MAP4K3: variants seen among roughly 807,000 people sequenced by gnomAD.
MAP4K3 encodes MAPK/ERK kinase kinase kinase 3.
In MAP4K3, 94 loss-of-function variants were observed where a neutral mutation model predicts 143.5. The observed-to-expected ratio is 0.65, with a 90% CI of 0.55 to 0.78. The LOEUF is 0.78. Ranked by LOEUF, MAP4K3 falls within the 30% of genes least tolerant of loss-of-function variation. The probability of loss-of-function intolerance (pLI) is 0.00; values close to 1 mark genes in which losing one functional copy is unlikely to be tolerated. For missense variants in MAP4K3, 1,077 were observed against 1,068.1 expected, an observed-to-expected ratio of 1.01 and a Z score of -0.12; for synonymous variants, 416 against 347.2, an observed-to-expected ratio of 1.20 and a Z score of -2.20.
intron 2 of MAP4K3, among the ~76,000 whole-genome samples, chr2:39,372,097 C>T (rs1040142725): frequency 5.3e-5 from 8 of 151,370 alleles, no homozygotes; most frequent in African/African-American, 1.9e-4. Context: ...CTGCAGGACA[C>T]AAAATAAATA....
In MAP4K3 at chr2:39,250,575, G is replaced by T; in HGVS notation, c.*43C>A. The T allele has an allele frequency of 1.3e-6, 2 of 1,537,976 alleles. No homozygotes were observed. Among genetic ancestry groups the T allele is most frequent in the Non-Finnish European group, 1.8e-6 (2 of 1,112,466 alleles). The stretch of plus-strand genomic sequence containing the variant: ...AGCATCCATTAATGTTGCAGTGGTA[G>T]TGTTCTTTCTTTCTAGAGTTAACTG... On this transcript the variant is annotated 3_prime_UTR_variant, in exon 34 of 34. Coordinates refer to ENST00000263881, the MANE Select transcript of MAP4K3 (RefSeq NM_003618.4).
chr2:39,369,398 C>A lies in MAP4K3; in HGVS notation c.154+8668G>T, dbSNP rs142318045. Among the ~76,000 whole-genome samples the A allele has an allele frequency of 4.6e-5, 7 of 151,912 alleles. No homozygotes were observed. In the South Asian group the frequency reaches 1.3e-3, roughly 27 times the overall value. On this transcript the variant is annotated intron_variant, in intron 2 of 33. Transcript: ENST00000263881. ...CTGACCTCAGCTGATCTGCCCGCCT[C>A]GGCCTCCCAAAGTGCTGGGATTACA... is the stretch of plus-strand genomic sequence containing the variant.
At chr2:39,309,550 T>TA in intron 13 of MAP4K3, 31 bp from the exon 14 acceptor site, 1 of 654,428 alleles carries the variant, frequency 1.5e-6, no homozygotes, top group Non-Finnish European at 2.0e-6. Flanking sequence ...AAACCAGGAT[T>TA]TTTTTTTTTT....
At chr2:39,299,925 C>A in intron 15 of MAP4K3, 124 bp from the exon 16 acceptor site, 1 of 380,886 alleles carries the variant, frequency 2.6e-6, no homozygotes, top group Non-Finnish European at 4.8e-6. Flanking sequence ...ATCTGTATTG[C>A]TATACATTCT....
intron 1 of MAP4K3, among the ~76,000 whole-genome samples, chr2:39,417,665 G>T (rs570729051): frequency 2.6e-4 from 39 of 152,298 alleles, no homozygotes; most frequent in African/African-American, 9.4e-4. Context: ...AATAATTATA[G>T]ATATGTATGT....
chr2:39,369,702 G>A (rs1666029470), intron 2 of MAP4K3, among the ~76,000 whole-genome samples: 1 of 152,170 alleles, frequency 6.6e-6, no homozygotes, highest in Non-Finnish European at 1.5e-5. Context: ...CAAGGGAAGT[G>A]GAACTCACAG....
At chr2:39,325,706 T>A (rs373879519) in intron 11 of MAP4K3, 24 bp downstream of exon 11, 36 of 1,578,560 alleles carry the variant, frequency 2.3e-5, no homozygotes, top group Non-Finnish European at 3.1e-5. Flanking sequence ...AATATATATA[T>A]ATATTTCAGG....
intron 12 of MAP4K3, among the ~76,000 whole-genome samples, chr2:39,318,334 C>T (rs757365138): frequency 1.1e-4 from 16 of 151,946 alleles, no homozygotes; most frequent in African/African-American, 2.4e-4. Flanking sequence ...ATGAATCCCC[C>T]GTGACATACC....
At chr2:39,433,615 T>C (rs1665361003) in intron 1 of MAP4K3, among the ~76,000 whole-genome samples, 1 of 152,176 alleles carries the variant, frequency 6.6e-6, no homozygotes. Context: ...CAATGAATGC[T>C]ATAACCCATC....
intron 19 of MAP4K3, among the ~76,000 whole-genome samples, chr2:39,288,614 T>A (rs551134362): frequency 6.6e-6 from 1 of 152,178 alleles, no homozygotes; most frequent in Non-Finnish European, 1.5e-5. Flanking sequence ...TCAATTTAAA[T>A]CAATCTCTTT....
At chr2:39,358,071 GAGCTATTACAGCA>G (rs1046478131) in intron 2 of MAP4K3, among the ~76,000 whole-genome samples, 8 of 152,168 alleles carry the variant, frequency 5.3e-5, no homozygotes, top group African/African-American at 1.9e-4. Flanking sequence ...GAAGCATACT[GAGCTATTACAGCA>G]AGCCTCACCT....
intron 1 of MAP4K3, among the ~76,000 whole-genome samples, chr2:39,394,168 T>C (rs1157934402): frequency 6.6e-6 from 1 of 152,198 alleles, no homozygotes; most frequent in East Asian, 1.9e-4. Context: ...GAATGGCCAA[T>C]ATGAATACCA....
chr2:39,259,366 G>C (rs1375574884), intron 29 of MAP4K3, among the ~76,000 whole-genome samples: 1 of 152,120 alleles, frequency 6.6e-6, no homozygotes, highest in African/African-American at 2.4e-5. Context: ...CAGTGATTCT[G>C]ATGAATGCTC....
intron 6 of MAP4K3, among the ~76,000 whole-genome samples, chr2:39,336,374 G>C (rs1054948103): frequency 4.0e-5 from 6 of 148,664 alleles, no homozygotes; most frequent in African/African-American, 1.5e-4. Context: ...TCGGGAGGCT[G>C]AGGCAGGGGA....
chr2:39,375,839 T>C (rs182866989), intron 2 of MAP4K3, among the ~76,000 whole-genome samples: 3 of 152,346 alleles, frequency 2.0e-5, no homozygotes, highest in African/African-American at 7.2e-5. Flanking sequence ...AATCATACAG[T>C]ATGCAGTTTT....
chr2:39,387,962 T>C (rs931717935), intron 1 of MAP4K3, among the ~76,000 whole-genome samples: 1 of 152,238 alleles, frequency 6.6e-6, no homozygotes, highest in African/African-American at 2.4e-5. Flanking sequence ...TAATTGGATA[T>C]AGACATGGAA....
intron 1 of MAP4K3, among the ~76,000 whole-genome samples, chr2:39,383,379 T>C (rs922889070): frequency 6.6e-6 from 1 of 150,472 alleles, no homozygotes. Flanking sequence ...CTCACTATCA[T>C]GAGAAGAGCA....
chr2:39,369,205 G>GTTTTTTTTTGTTTTTTTTTTTTTT (rs68013609), intron 2 of MAP4K3, among the ~76,000 whole-genome samples: 4 of 125,380 alleles, frequency 3.2e-5, no homozygotes, highest in African/African-American at 6.3e-5. Context: ...TTTTTTTTTT[G>GTTTTTTTTTGTTTTTTTTTTTTTT]TTTTTTTTGA....
At chr2:39,314,531 C>T (rs991406437) in intron 13 of MAP4K3, among the ~76,000 whole-genome samples, 1 of 152,194 alleles carries the variant, frequency 6.6e-6, no homozygotes, top group African/African-American at 2.4e-5. Context: ...TAACTGCTGG[C>T]AAGCAAAGTA....
Sources: allele counts gnomAD v4.1 joint callset (sites outside exome capture counted in the v4.1 genomes callset), GRCh38; gene constraint gnomAD v4.1.1; transcripts MANE v1.5; gene names NCBI Gene and HGNC (gene_info 2026-07-23, HGNC 2026-07-21).